NEBL: variants seen among roughly 807,000 people sequenced by gnomAD.
The protein encoded by NEBL is LIM and SH3 protein 2.
In NEBL, 122 loss-of-function variants were observed where a neutral mutation model predicts 140.2. That is an observed-to-expected ratio of 0.87 (90% CI 0.75 to 1.01). The LOEUF is 1.01. Among genes scored for constraint, NEBL ranks in the 50% least tolerant of loss-of-function variants. The pLI is 0.00. For synonymous variants in NEBL, 436 were observed against 398.9 expected (o/e 1.09, Z -1.11); for missense variants, 1,365 against 1,231.3 (o/e 1.11, Z -1.62).
intron 4 of NEBL, among the ~76,000 whole-genome samples, chr10:20,944,594 T>C (rs1835065012): frequency 6.6e-6 from 1 of 152,184 alleles, no homozygotes; most frequent in Non-Finnish European, 1.5e-5. Context: ...CATATTTATA[T>C]GGGTTTGCAC....
intron 2 of NEBL, among the ~76,000 whole-genome samples, chr10:21,143,189 C>T (rs775941839): frequency 7.2e-5 from 11 of 152,178 alleles, no homozygotes; most frequent in Middle Eastern, 3.4e-3. Context: ...TGGCTCACAC[C>T]TGTAATCCCA....
At chr10:20,950,811 CA>C (rs1216700539) in intron 4 of NEBL, among the ~76,000 whole-genome samples, 1 of 152,172 alleles carries the variant, frequency 6.6e-6, no homozygotes, top group Non-Finnish European at 1.5e-5. Context: ...TTGATTCTAT[CA>C]AAAATGACAG....
upstream of NEBL, chr10:21,174,195 C>T (rs1020797829): frequency 7.7e-5 from 21 of 273,384 alleles, no homozygotes; most frequent in African/African-American, 4.8e-4. Flanking sequence ...AGGCCAAACC[C>T]ACCGGCGCGC....
chr10:20,826,346 A>T, intron 18 of NEBL, 101 bp downstream of exon 18: 1 of 916,418 alleles, frequency 1.1e-6, no homozygotes, highest in Admixed American at 1.8e-5. Context: ...AAAGTGAAGA[A>T]TAAAAGGAAA....
In NEBL at chr10:21,256,001, A is replaced by G. The variant is rs1012339170; in HGVS notation, n.183-4173T>C. ...TGTCTCAAAAAAAAAAAAGAAAAAG[A>G]AAAAAAAGGATTCATCTCCAGCCTT... On this transcript the variant is annotated intron_variant and non_coding_transcript_variant, in intron 1 of 8. Transcript: ENST00000675702. 6.0e-5 allele frequency among the ~76,000 whole-genome samples: 9 copies of G among 151,116 alleles called. No individual in the cohort carries two copies. In the South Asian group the frequency reaches 1.9e-3, roughly 32 times the overall value.
intron 3 of NEBL, among the ~76,000 whole-genome samples, chr10:21,200,877 C>T (rs527717318): frequency 7.9e-5 from 12 of 152,022 alleles, no homozygotes; most frequent in Non-Finnish European, 1.2e-4. Context: ...GAGGATTGTG[C>T]GAGCCCAGGA....
chr10:21,011,918 G>A (rs190153980), intron 3 of NEBL, among the ~76,000 whole-genome samples: 5 of 152,330 alleles, frequency 3.3e-5, no homozygotes, highest in East Asian at 1.9e-4. Context: ...AGCTGCCATC[G>A]CCTTCCACAC....
intron 2 of NEBL, among the ~76,000 whole-genome samples, chr10:21,109,473 G>C (rs1369986519): frequency 6.6e-6 from 1 of 152,174 alleles, no homozygotes; most frequent in East Asian, 1.9e-4. Context: ...TTTTTGTTGT[G>C]TCTCTGCCAG....
chr10:21,280,016 C>A (rs760570255), intron 1 of NEBL, among the ~76,000 whole-genome samples: 7 of 152,194 alleles, frequency 4.6e-5, no homozygotes, highest in Non-Finnish European at 8.8e-5. Flanking sequence ...AGCTTCTCTG[C>A]CGCTTAAGAG....
rs1843140714 is a variant in NEBL at position 21,291,437 on chromosome 10, C to G, written n.182+1393G>C. Among the ~76,000 whole-genome samples the G allele has an allele frequency of 2.0e-5, 3 of 150,626 alleles. No homozygotes were observed. In the South Asian group the frequency reaches 6.3e-4, roughly 32 times the overall value. ...AGGAGAATTGCTTGAACCCAGGAGG[C>G]AGGAGTTGCAGTGAGCCCATATCAC... On this transcript the variant is annotated intron_variant and non_coding_transcript_variant, in intron 1 of 8. Coordinates refer to the NEBL transcript ENST00000675702.
intron 12 of NEBL, among the ~76,000 whole-genome samples, chr10:20,844,671 A>T (rs964597465): frequency 1.3e-5 from 2 of 151,926 alleles, no homozygotes; most frequent in African/African-American, 4.8e-5. Context: ...AGTGGACATG[A>T]GTTCCTCTAT....
At chr10:20,951,913 C>T (rs2039858) in intron 4 of NEBL, among the ~76,000 whole-genome samples, 3,437 of 152,294 alleles carry the variant, frequency 0.023, 112 homozygotes, top group African/African-American at 0.077. Context: ...CTTTGTTAGA[C>T]TTTCCCTGTG....
chr10:21,137,863 A>T (rs1839426057), intron 2 of NEBL, among the ~76,000 whole-genome samples: 1 of 151,354 alleles, frequency 6.6e-6, no homozygotes, highest in African/African-American at 2.4e-5. Flanking sequence ...GTATCACTTA[A>T]GCCTGGGAGA....
At chr10:20,926,974 A>G (rs923319840) in intron 4 of NEBL, among the ~76,000 whole-genome samples, 1 of 152,178 alleles carries the variant, frequency 6.6e-6, no homozygotes, top group Non-Finnish European at 1.5e-5. Context: ...GGGAGGAAAA[A>G]TCATTGAACA....
intron 1 of NEBL, among the ~76,000 whole-genome samples, chr10:21,281,983 T>C (rs766075936): frequency 3.9e-5 from 6 of 152,208 alleles, no homozygotes; most frequent in Admixed American, 6.5e-5. Context: ...AAAGATGCAA[T>C]TGTTTTAAAA....
intron 2 of NEBL, among the ~76,000 whole-genome samples, chr10:21,026,060 T>C (rs61436063): frequency 0.018 from 2,785 of 152,324 alleles, 93 homozygotes; most frequent in African/African-American, 0.063. Context: ...ATGAAGTTGC[T>C]GCTGGAATCA....
In NEBL at chr10:21,240,126, T is replaced by C. The variant is rs555334204; in HGVS notation, n.348+7795A>G. On this transcript the variant is annotated intron_variant and non_coding_transcript_variant, in intron 3 of 8. Coordinates refer to the NEBL transcript ENST00000675702. ...ACTAGCCTAACAACCTGTACATAGC[T>C]GGTATATCTCTTTCTAGCAGGAACG... 1.5e-4 allele frequency among the ~76,000 whole-genome samples: 23 copies of C among 152,222 alleles called. 2 individuals are homozygous for C. The highest frequency in any genetic ancestry group is 5.3e-4 in the African/African-American group (22 of 41,554).
At chr10:21,004,630 G>T (rs1410004102) in intron 3 of NEBL, among the ~76,000 whole-genome samples, 2 of 152,022 alleles carry the variant, frequency 1.3e-5, no homozygotes, top group Non-Finnish European at 2.9e-5. Flanking sequence ...TGAGGCAGGA[G>T]AATGGTGTGA....
chr10:21,016,798 T>C (rs1206102513), intron 3 of NEBL, among the ~76,000 whole-genome samples: 5 of 152,242 alleles, frequency 3.3e-5, no homozygotes, highest in Non-Finnish European at 7.3e-5. Flanking sequence ...AATCATTTAA[T>C]AGGCTAAAAT....
Sources: allele counts gnomAD v4.1 joint callset (sites outside exome capture counted in the v4.1 genomes callset), GRCh38; gene constraint gnomAD v4.1.1; transcripts MANE v1.5; gene names NCBI Gene and HGNC (gene_info 2026-07-23, HGNC 2026-07-21).